Variants in SNTB2 observed in about 807,000 individuals in gnomAD.
SNTB2 encodes syntrophin beta 2.
A neutral mutation model predicts 46.2 loss-of-function variants in SNTB2; 34 were observed. The observed-to-expected ratio is 0.74, with a 90% confidence interval of 0.56 to 0.98. SNTB2 has a LOEUF of 0.98. Among genes scored for constraint, SNTB2 ranks in the 50% least tolerant of loss-of-function variants. The pLI, the probability that SNTB2 is intolerant of heterozygous loss-of-function variation, is 0.00. For missense variants in SNTB2, 603 were observed against 731.4 expected, an observed-to-expected ratio of 0.82 and a Z score of 2.02; for synonymous variants, 290 against 312.6, an observed-to-expected ratio of 0.93 and a Z score of 0.76.
intron 1 of SNTB2, among the ~76,000 whole-genome samples, chr16:69,210,857 G>A (rs1214116659): frequency 1.3e-5 from 2 of 152,076 alleles, no homozygotes; most frequent in East Asian, 3.9e-4. Context: ...GTCAGGCGTG[G>A]TGGCGCGCTT....
intron 1 of SNTB2, among the ~76,000 whole-genome samples, chr16:69,232,668 C>A (rs1964519947): frequency 6.6e-6 from 1 of 151,466 alleles, no homozygotes; most frequent in African/African-American, 2.4e-5. Context: ...TGCGCCAACA[C>A]ACCCAGCTAA....
At chr16:69,192,038 G>A (rs887320902) in intron 1 of SNTB2, among the ~76,000 whole-genome samples, 1 of 152,188 alleles carries the variant, frequency 6.6e-6, no homozygotes, top group Admixed American at 6.5e-5. Flanking sequence ...AGATAGAAGA[G>A]GTGGGAAACT....
intron 4 of SNTB2, among the ~76,000 whole-genome samples, chr16:69,280,510 C>T (rs1360037736): frequency 6.7e-6 from 1 of 149,972 alleles, no homozygotes; most frequent in African/African-American, 2.5e-5. Flanking sequence ...CCACCTCCCT[C>T]CCGGATGGGG....
At chr16:69,264,725 A>G (rs1188242747) in intron 3 of SNTB2, among the ~76,000 whole-genome samples, 1 of 152,216 alleles carries the variant, frequency 6.6e-6, no homozygotes, top group East Asian at 1.9e-4. Context: ...TTCCTGAACC[A>G]GTAGAAGAAA....
chr16:69,299,092 A>G (rs528186828), intron 5 of SNTB2, among the ~76,000 whole-genome samples: 8 of 152,154 alleles, frequency 5.3e-5, no homozygotes, highest in Admixed American at 4.6e-4. Context: ...ACAGATGTCA[A>G]GGAGTGTTAT....
intron 1 of SNTB2, among the ~76,000 whole-genome samples, chr16:69,221,087 G>A (rs933845861): frequency 2.5e-4 from 38 of 152,184 alleles, no homozygotes; most frequent in East Asian, 1.2e-3. Context: ...TTTGAAGAAC[G>A]TTTACAAATA....
chr16:69,302,675 A>G lies in SNTB2; in HGVS notation c.*1751A>G, dbSNP rs551213226. The stretch of plus-strand genomic sequence containing the variant: ...ACCCATAAGTCAGTCCTCCTTCCTC[A>G]TTACAGTGAAACCAACAATATGCAG... On this transcript the variant is annotated 3_prime_UTR_variant, in exon 7 of 7. Coordinates refer to ENST00000336278, the MANE Select transcript of SNTB2 (RefSeq NM_006750.4). 8 of 152,326 alleles carry G rather than the reference A, an allele frequency of 5.3e-5. No individual in the cohort carries two copies. Among genetic ancestry groups the G allele is most frequent in the African/African-American group, 1.9e-4 (8 of 41,570 alleles). The allele number at this position is 152,326 out of a possible 1,614,324, so 9.4% of individuals were successfully genotyped here.
chr16:69,292,363 T>TATA (rs1326923084), intron 5 of SNTB2, among the ~76,000 whole-genome samples: 2 of 33,334 alleles, frequency 6.0e-5, no homozygotes, highest in Non-Finnish European at 1.1e-4. Context: ...TTTATATATA[T>TATA]ATATATATAT....
In SNTB2 at chr16:69,303,936, T is replaced by C. The variant is rs1965296289; in HGVS notation, c.*3012T>C. 6.6e-6 allele frequency: 1 copy of C among 152,212 alleles called. No homozygotes were observed. The highest frequency in any genetic ancestry group is 2.4e-5 in the African/African-American group (1 of 41,454). 9.4% of individuals were successfully genotyped at this position (152,212 alleles called of 1,614,324 possible). A position where few individuals can be genotyped will look rare whatever the true frequency, so the allele number is the denominator to read the frequency against. The stretch of plus-strand genomic sequence containing the variant: ...ATGTGGTGGGTTCCAGTGTGTGGAA[T>C]GGAAAGGAAACTGCAGAATAGTGTC... On this transcript the variant is annotated 3_prime_UTR_variant, in exon 7 of 7. Transcript: ENST00000336278.
At chr16:69,270,026 GTCCATCAGGTTGGGAAA>G in intron 3 of SNTB2, 100 bp from the exon 4 acceptor site, 1 of 1,116,406 alleles carries the variant, frequency 9.0e-7, no homozygotes, top group Non-Finnish European at 1.3e-6. Flanking sequence ...TGAATGTAAA[GTCCATCAGGTTGGGAAA>G]ACAAAATGGA....
At chr16:69,192,514 T>A (rs1964065247) in intron 1 of SNTB2, among the ~76,000 whole-genome samples, 1 of 152,102 alleles carries the variant, frequency 6.6e-6, no homozygotes, top group African/African-American at 2.4e-5. Context: ...CGAAGAAAAA[T>A]TTTAGTTTAT....
rs1160577842 is a variant in SNTB2 at position 69,300,771 on chromosome 16, G to A, written c.1531-61G>A. 1.7e-5 allele frequency: 19 copies of A among 1,097,616 alleles called. 1 individual carries two copies. Among genetic ancestry groups the A allele is most frequent in the Non-Finnish European group, 2.6e-5 (19 of 717,224 alleles). The allele number at this position is 1,097,616 out of a possible 1,614,324, so 68.0% of individuals were successfully genotyped here. A position where few individuals can be genotyped will look rare whatever the true frequency, so the allele number is the denominator to read the frequency against. ...TACCTTAAATTTATTTTGCATCTTC[G>A]TTTATTAAGTTGTCTGTATATGGTA... On this transcript the variant is annotated intron_variant, in intron 6 of 6. Coordinates refer to ENST00000336278, the MANE Select transcript of SNTB2 (RefSeq NM_006750.4).
At chr16:69,294,193 AT>A (rs1294207492) in intron 5 of SNTB2, among the ~76,000 whole-genome samples, 1 of 151,836 alleles carries the variant, frequency 6.6e-6, no homozygotes, top group Non-Finnish European at 1.5e-5. Context: ...AATTTTTGTA[AT>A]TTTGGTAGGG....
intron 5 of SNTB2, among the ~76,000 whole-genome samples, chr16:69,287,530 A>T (rs989246568): frequency 6.6e-6 from 1 of 152,148 alleles, no homozygotes; most frequent in East Asian, 1.9e-4. Context: ...GGATTGCGCC[A>T]CTGCACTCCA....
chr16:69,224,433 G>A (rs999006998), intron 1 of SNTB2, among the ~76,000 whole-genome samples: 3 of 151,964 alleles, frequency 2.0e-5, no homozygotes, highest in East Asian at 1.9e-4. Context: ...GGCTGGTCTC[G>A]AACTCCTGAC....
intron 1 of SNTB2, among the ~76,000 whole-genome samples, chr16:69,234,956 G>T (rs893515055): frequency 2.0e-5 from 3 of 152,228 alleles, no homozygotes; most frequent in Admixed American, 2.0e-4. Context: ...ACCCGCTCTG[G>T]CCTCCCAAAA....
chr16:69,238,784 C>T (rs1430238497), intron 1 of SNTB2, among the ~76,000 whole-genome samples: 1 of 152,162 alleles, frequency 6.6e-6, no homozygotes, highest in Non-Finnish European at 1.5e-5. Flanking sequence ...ACCACCTCCA[C>T]TACTATTCCC....
intron 2 of SNTB2, among the ~76,000 whole-genome samples, chr16:69,248,235 G>T (rs1419534856): frequency 6.6e-6 from 1 of 152,172 alleles, no homozygotes; most frequent in Non-Finnish European, 1.5e-5. Context: ...AAATTACTTT[G>T]TGCTACATAT....
At position 69,297,485 on chromosome 16, in the gene SNTB2, G is replaced by A. The variant is rs190030568; in HGVS notation, c.1346-2105G>A. Among the ~76,000 whole-genome samples the A allele has an allele frequency of 3.1e-3, 477 of 151,702 alleles. 2 individuals carry two copies. The highest frequency in any genetic ancestry group is 9.2e-3 in the African/African-American group (379 of 41,306). The stretch of plus-strand genomic sequence containing the variant: ...ATACATAAATTGGCCTAGTGTGGTG[G>A]CACGCTCCTGTAATCCCAGCTACTC... On this transcript the variant is annotated intron_variant, in intron 5 of 6. Transcript: ENST00000336278.
Sources: gnomAD v4.1 joint callset for allele counts (sites outside exome capture counted in the v4.1 genomes callset) on GRCh38, gnomAD v4.1.1 for gene constraint, MANE v1.5 for transcripts, NCBI Gene and HGNC (gene_info 2026-07-23, HGNC 2026-07-21) for gene names.